The following SERGEF variants were observed in gnomAD, a reference collection of about 807,000 sequenced individuals.
SERGEF encodes the protein secretion regulating guanine nucleotide exchange factor.
SERGEF carries 51 observed loss-of-function variants against 50.0 expected under a neutral mutation model. The ratio of observed to expected loss-of-function variants is 1.02; its 90% CI spans 0.81 to 1.29. The LOEUF (loss-of-function observed/expected upper bound fraction) is 1.29, where lower values mean the gene tolerates loss of function less well. Ranked by LOEUF, SERGEF falls within the 50% of genes most tolerant of loss-of-function variation. The pLI is 0.00. For missense variants in SERGEF, 521 were observed against 557.0 expected (o/e 0.94, Z 0.65); for synonymous variants, 205 against 212.4 (o/e 0.97, Z 0.30).
chr11:17,940,184 C>T (rs923315538), intron 9 of SERGEF, among the ~76,000 whole-genome samples: 9 of 152,042 alleles, frequency 5.9e-5, no homozygotes, highest in Non-Finnish European at 1.2e-4. Context: ...TAGAATAGCA[C>T]GTTTCAGACC....
intron 9 of SERGEF, among the ~76,000 whole-genome samples, chr11:17,878,481 C>A (rs1480993323): frequency 6.6e-6 from 1 of 152,154 alleles, no homozygotes; most frequent in African/African-American, 2.4e-5. Flanking sequence ...TTGTCTTTAG[C>A]TAGTGAGACC....
intron 10 of SERGEF, among the ~76,000 whole-genome samples, chr11:17,823,280 A>G (rs567352286): frequency 1.8e-4 from 28 of 152,290 alleles, no homozygotes; most frequent in Non-Finnish European, 1.5e-5. Context: ...ATCACACTAT[A>G]TAAAAGTTAT....
At chr11:17,966,118 A>G (rs1476817651) in intron 8 of SERGEF, among the ~76,000 whole-genome samples, 2 of 152,232 alleles carry the variant, frequency 1.3e-5, no homozygotes. Context: ...GATAATCAAA[A>G]AAGAGAAAGA....
intron 4 of SERGEF, among the ~76,000 whole-genome samples, chr11:18,001,731 C>T (rs1216062572): frequency 6.6e-6 from 1 of 152,310 alleles, no homozygotes; most frequent in East Asian, 1.9e-4. Flanking sequence ...AAGCAAATAT[C>T]CCCCATTCAT....
chr11:17,796,741 G>A (rs1224369565), intron 10 of SERGEF, among the ~76,000 whole-genome samples: 1 of 152,102 alleles, frequency 6.6e-6, no homozygotes, highest in Non-Finnish European at 1.5e-5. Flanking sequence ...CACTCTCCAG[G>A]GCCAAGGATA....
intron 9 of SERGEF, among the ~76,000 whole-genome samples, chr11:17,908,488 C>G (rs1851892915): frequency 6.6e-6 from 1 of 152,162 alleles, no homozygotes; most frequent in African/African-American, 2.4e-5. Flanking sequence ...CCAGCTCCCT[C>G]AAATCTGGAT....
intron 9 of SERGEF, among the ~76,000 whole-genome samples, chr11:17,891,045 C>G (rs545454733): frequency 6.6e-6 from 1 of 152,276 alleles, no homozygotes; most frequent in East Asian, 1.9e-4. Context: ...AGGAATATGG[C>G]CCTCAATTTG....
chr11:17,804,737 T>G (rs939710001), intron 10 of SERGEF, among the ~76,000 whole-genome samples: 7 of 152,212 alleles, frequency 4.6e-5, no homozygotes, highest in Admixed American at 3.3e-4. Context: ...CAACAACTAT[T>G]ATTATTACTA....
At chr11:17,962,321 T>C (rs1853021020) in intron 8 of SERGEF, among the ~76,000 whole-genome samples, 1 of 152,122 alleles carries the variant, frequency 6.6e-6, no homozygotes, top group East Asian at 1.9e-4. Flanking sequence ...ACATGGATGA[T>C]GATTTTATGT....
intron 9 of SERGEF, among the ~76,000 whole-genome samples, chr11:17,885,820 A>G (rs1406420657): frequency 6.6e-6 from 1 of 151,872 alleles, no homozygotes; most frequent in East Asian, 1.9e-4. Context: ...TCTCCATACC[A>G]TTCTAAATCC....
chr11:17,983,085 G>T (rs1853523743), intron 8 of SERGEF, among the ~76,000 whole-genome samples: 1 of 152,140 alleles, frequency 6.6e-6, no homozygotes, highest in African/African-American at 2.4e-5. Flanking sequence ...GAATGTCAAA[G>T]AACTCCCTGT....
At chr11:17,912,587 T>C (rs1339757740) in intron 9 of SERGEF, among the ~76,000 whole-genome samples, 1 of 152,230 alleles carries the variant, frequency 6.6e-6, no homozygotes, top group Non-Finnish European at 1.5e-5. Context: ...TGCCAGGCAT[T>C]GTACTAAACA....
At chr11:17,893,387 T>C (rs549962824) in intron 9 of SERGEF, among the ~76,000 whole-genome samples, 1 of 152,264 alleles carries the variant, frequency 6.6e-6, no homozygotes, top group African/African-American at 2.4e-5. Context: ...ATAGTGAAGA[T>C]TAAATGAGAT....
chr11:18,012,803 C>T (rs1245383213), intron 1 of SERGEF, 148 bp downstream of exon 1: 3 of 1,501,754 alleles, frequency 2.0e-6, no homozygotes, highest in African/African-American at 1.4e-5. Context: ...CCTCCGCTCC[C>T]CCTCCGCTCC....
rs1849421871 is a variant in SERGEF at position 17,788,264 on chromosome 11, A to C, written c.1198T>G (p.Cys400Gly). ...GCGAGHSLAL[C>G]QLPAHPALVQ... ...AATGCAGGGTGAGCTGGCAGCTGGC[A>C]GAGGGCCAAGGAGTGGCCAGCCCCA... The change falls in exon 11 of 11, where the codon TGC becomes GGC. Residue 400 changes from cysteine (C) to glycine (G), a missense_variant. Cys to Gly is a radical substitution (Grantham distance 159). Transcript: ENST00000265965. 1 of 1,613,826 alleles carries C rather than the reference A, an allele frequency of 6.2e-7. No individual in the cohort carries two copies. The highest frequency in any genetic ancestry group is 1.1e-5 in the South Asian group (1 of 91,062).
At chr11:17,826,991 T>C (rs1850207997) in intron 10 of SERGEF, among the ~76,000 whole-genome samples, 1 of 151,920 alleles carries the variant, frequency 6.6e-6, no homozygotes, top group Non-Finnish European at 1.5e-5. Context: ...ATTCAGCCAG[T>C]GTTCTTTCTT....
At chr11:17,853,291 G>A (rs1165520330) in intron 10 of SERGEF, among the ~76,000 whole-genome samples, 2 of 152,086 alleles carry the variant, frequency 1.3e-5, no homozygotes, top group Non-Finnish European at 2.9e-5. Context: ...CATCATGAAC[G>A]TGCCCAACAC....
At position 17,806,043 on chromosome 11, in the gene SERGEF, C is replaced by T. The variant is rs556349985; in HGVS notation, c.1049-17630G>A. The stretch of plus-strand genomic sequence containing the variant: ...CAGCTGGATATGAAACCTGAATGAG[C>T]AAGTCACTTGACTTGCAAGCTGAGC... On this transcript the variant is annotated intron_variant, in intron 10 of 10. Transcript: ENST00000265965. Among the ~76,000 whole-genome samples, 14 of 152,296 alleles carry T rather than the reference C, an allele frequency of 9.2e-5. No homozygotes were observed. In the East Asian group the frequency reaches 2.1e-3, roughly 23 times the overall value.
rs182838544 is a variant in SERGEF, at chr11:17,888,439, C to T, written c.1012-10195G>A. The stretch of plus-strand genomic sequence containing the variant: ...GTAGGTTATTTTCTTTCATTGCATG[C>T]GTGTATCAATTCTGAAAGTATTTTG... On this transcript the variant is annotated intron_variant, in intron 9 of 10. Transcript: ENST00000265965. This position sits in a 1 kb window ranked among gnomAD's most constrained non-coding sequence, Gnocchi z 4.1. Among the ~76,000 whole-genome samples, 96 of 152,116 alleles carry T rather than the reference C, an allele frequency of 6.3e-4. No individual in the cohort carries two copies. The highest frequency in any genetic ancestry group is 2.0e-3 in the African/African-American group (82 of 41,502).
Sources: allele counts gnomAD v4.1 joint callset (sites outside exome capture counted in the v4.1 genomes callset), GRCh38; gene constraint gnomAD v4.1.1; non-coding constraint Gnocchi (gnomAD v3.1); transcripts MANE v1.5; gene names NCBI Gene and HGNC (gene_info 2026-07-23, HGNC 2026-07-21).